WWOX: variants seen among roughly 807,000 people sequenced by gnomAD.
WWOX encodes the protein WW domain-containing oxidoreductase.
In WWOX, 69 loss-of-function variants were observed where a neutral mutation model predicts 46.2. That is an observed-to-expected ratio of 1.49 (90% CI 1.23 to 1.82). WWOX has a LOEUF of 1.82. Among genes scored for constraint, WWOX ranks in the 40% most tolerant of loss-of-function variants. The pLI is 0.00. For synonymous variants in WWOX, 359 were observed against 202.6 expected (o/e 1.77, Z -6.56); for missense variants, 919 against 542.6 (o/e 1.69, Z -6.89).
At chr16:78,724,538 C>A (rs545657649) in intron 8 of WWOX, among the ~76,000 whole-genome samples, 1 of 152,120 alleles carries the variant, frequency 6.6e-6, no homozygotes, top group African/African-American at 2.4e-5. Context: ...TATTACAGTC[C>A]ATTATTTACA....
At chr16:78,762,335 C>G (rs758911007) in intron 8 of WWOX, among the ~76,000 whole-genome samples, 2 of 152,192 alleles carry the variant, frequency 1.3e-5, no homozygotes, top group Non-Finnish European at 2.9e-5. Context: ...GGTACAGAAT[C>G]TCAGGCCTGA....
intron 8 of WWOX, among the ~76,000 whole-genome samples, chr16:78,566,326 A>G (rs1006951526): frequency 2.0e-5 from 3 of 152,178 alleles, no homozygotes; most frequent in African/African-American, 7.2e-5. Context: ...GTCCATAACA[A>G]CTATCTCACT....
At chr16:78,218,642 G>A (rs760020814) in intron 5 of WWOX, among the ~76,000 whole-genome samples, 6 of 152,156 alleles carry the variant, frequency 3.9e-5, no homozygotes, top group African/African-American at 1.4e-4. Flanking sequence ...AGGTTTTAAC[G>A]TGTTCTCTAG....
intron 8 of WWOX, among the ~76,000 whole-genome samples, chr16:78,685,900 ACAAAAAAG>A (rs927409040): frequency 3.1e-5 from 4 of 128,316 alleles, no homozygotes; most frequent in East Asian, 2.4e-4. Context: ...AGGAAAAAAA[ACAAAAAAG>A]AAAAAGAAAA....
At chr16:78,275,969 G>T (rs1193049294) in intron 5 of WWOX, among the ~76,000 whole-genome samples, 7 of 152,166 alleles carry the variant, frequency 4.6e-5, no homozygotes, top group African/African-American at 1.7e-4. Flanking sequence ...CCCAGCATCA[G>T]CCTTAGCCCA....
chr16:78,445,491 A>G (rs1047019993), intron 8 of WWOX, among the ~76,000 whole-genome samples: 4 of 152,180 alleles, frequency 2.6e-5, no homozygotes, highest in Non-Finnish European at 5.9e-5. Flanking sequence ...GATGATAGGC[A>G]TGGAAATGAA....
chr16:78,802,769 AGCCAGGT>A (rs1401622515), intron 8 of WWOX, among the ~76,000 whole-genome samples: 1 of 151,520 alleles, frequency 6.6e-6, no homozygotes, highest in Non-Finnish European at 1.5e-5. Flanking sequence ...TAGAGAAGTT[AGCCAGGT>A]GTGGTGGTGG....
intron 8 of WWOX, among the ~76,000 whole-genome samples, chr16:78,594,923 C>A (rs1483491942): frequency 6.6e-6 from 1 of 152,072 alleles, no homozygotes; most frequent in Non-Finnish European, 1.5e-5. Context: ...TTAAGAGAAC[C>A]AGAAGGGCCT....
intron 8 of WWOX, among the ~76,000 whole-genome samples, chr16:78,466,017 C>G (rs2084068685): frequency 6.8e-6 from 1 of 146,870 alleles, no homozygotes; most frequent in Admixed American, 6.7e-5. Flanking sequence ...GTACAAGTTT[C>G]TTTAGTTTTT....
At chr16:78,320,624 G>T (rs1428823866) in intron 5 of WWOX, among the ~76,000 whole-genome samples, 2 of 152,182 alleles carry the variant, frequency 1.3e-5, no homozygotes, top group Non-Finnish European at 2.9e-5. Flanking sequence ...TTCAACCAAA[G>T]ACAGCAGGCT....
intron 4 of WWOX, among the ~76,000 whole-genome samples, chr16:78,157,918 A>G (rs2034660451): frequency 6.6e-6 from 1 of 152,202 alleles, no homozygotes; most frequent in South Asian, 2.1e-4. Context: ...CAGGCAACTA[A>G]CATTTGTTTT....
chr16:79,062,873 A>C (rs2048379525), intron 8 of WWOX, among the ~76,000 whole-genome samples: 1 of 152,172 alleles, frequency 6.6e-6, no homozygotes, highest in Non-Finnish European at 1.5e-5. Flanking sequence ...ATCTGTTTTA[A>C]GTCAACTTAG....
intron 8 of WWOX, among the ~76,000 whole-genome samples, chr16:79,122,657 C>G (rs1421303239): frequency 6.6e-6 from 1 of 151,812 alleles, no homozygotes; most frequent in African/African-American, 2.4e-5. Context: ...CACGCTAATT[C>G]CTTAATTTGT....
At chr16:78,148,693 C>A (rs918148619) in intron 4 of WWOX, among the ~76,000 whole-genome samples, 1 of 151,470 alleles carries the variant, frequency 6.6e-6, no homozygotes, top group East Asian at 2.0e-4. Flanking sequence ...GTCAGGAGAT[C>A]GAGACCATCC....
At chr16:78,178,120 G>T (rs1238370035) in intron 5 of WWOX, among the ~76,000 whole-genome samples, 1 of 152,202 alleles carries the variant, frequency 6.6e-6, no homozygotes, top group African/African-American at 2.4e-5. Context: ...TGACAGTGAA[G>T]GGAGGAGCTC....
At chr16:78,808,480 T>G (rs910945142) in intron 8 of WWOX, among the ~76,000 whole-genome samples, 18 of 152,254 alleles carry the variant, frequency 1.2e-4, no homozygotes, top group Admixed American at 9.2e-4. Context: ...ACCTGATCAT[T>G]ACATATTTAC....
intron 8 of WWOX, among the ~76,000 whole-genome samples, chr16:79,026,459 C>T (rs906756113): frequency 4.0e-5 from 6 of 151,660 alleles, no homozygotes; most frequent in Admixed American, 3.3e-4. Flanking sequence ...TTCCTTCTCA[C>T]ATCAGCTTGC....
intron 8 of WWOX, among the ~76,000 whole-genome samples, chr16:78,931,911 A>G (rs897445758): frequency 6.6e-6 from 1 of 152,146 alleles, no homozygotes; most frequent in Non-Finnish European, 1.5e-5. Flanking sequence ...TGCTGTTGTT[A>G]TGATAGTGAA....
At chr16:78,917,916 T>C (rs1232200767) in intron 8 of WWOX, among the ~76,000 whole-genome samples, 1 of 152,174 alleles carries the variant, frequency 6.6e-6, no homozygotes, top group African/African-American at 2.4e-5. Flanking sequence ...GAAATTGTCA[T>C]ATAGGCTGGG....
Sources: allele counts gnomAD v4.1 joint callset (sites outside exome capture counted in the v4.1 genomes callset), GRCh38; gene constraint gnomAD v4.1.1; transcripts MANE v1.5; gene names NCBI Gene and HGNC (gene_info 2026-07-23, HGNC 2026-07-21).